Variants in PCMT1 observed in about 807,000 individuals in gnomAD.
PCMT1 encodes protein-L-isoaspartate(D-aspartate) O-methyltransferase.
A neutral mutation model predicts 29.2 loss-of-function variants in PCMT1; 9 were observed. The ratio of observed to expected loss-of-function variants is 0.31; its 90% confidence interval spans 0.19 to 0.54. The LOEUF is 0.54. Ranked by LOEUF, PCMT1 falls within the 20% of genes least tolerant of loss-of-function variation. PCMT1 has a pLI of 0.95. For missense variants in PCMT1, 184 were observed against 282.2 expected (o/e 0.65, Z 2.49); for synonymous variants, 98 against 97.5 (o/e 1.00, Z -0.03).
At chr6:149,754,626 A>G (rs988947958) in intron 1 of PCMT1, among the ~76,000 whole-genome samples, 2 of 152,192 alleles carry the variant, frequency 1.3e-5, no homozygotes, top group African/African-American at 4.8e-5. Flanking sequence ...CCCCAAGTCA[A>G]CTGAGGTCTG....
In PCMT1 at chr6:149,768,997, A is replaced by G. The variant is rs532689720; in HGVS notation, c.56-2165A>G. Among the ~76,000 whole-genome samples the G allele has an allele frequency of 3.9e-4, 59 of 152,264 alleles. No homozygotes were observed. In the South Asian group the frequency reaches 0.012, roughly 31 times the overall value. On this transcript the variant is annotated intron_variant, in intron 1 of 7. Coordinates refer to ENST00000464889, the MANE Select transcript of PCMT1 (RefSeq NM_001360452.2). ...CTTTAAAATCTAATAGTTTCATTAGAATGTATTTTGAAGTTAATTCTTCCT... is the reference window on the plus strand; with the variant it reads ...CTTTAAAATCTAATAGTTTCATTAGGATGTATTTTGAAGTTAATTCTTCCT...
In PCMT1 at chr6:149,755,464, T is replaced by G. The variant is rs543368738; in HGVS notation, c.55+5508T>G. Among the ~76,000 whole-genome samples, 7 of 152,052 alleles carry G rather than the reference T, an allele frequency of 4.6e-5. No individual in the cohort carries two copies. The East Asian group carries it at 1.2e-3, about 25-fold the overall frequency. Reference sequence around the variant, plus strand: ...ATGTTGAGTATCTGTATGGGCTGTATGGGCTTTGGTATTGTATGCGGTTTC... The same window carrying G: ...ATGTTGAGTATCTGTATGGGCTGTAGGGGCTTTGGTATTGTATGCGGTTTC... On this transcript the variant is annotated intron_variant, in intron 1 of 7. Coordinates refer to ENST00000464889, the MANE Select transcript of PCMT1 (RefSeq NM_001360452.2).
intron 3 of PCMT1, among the ~76,000 whole-genome samples, chr6:149,784,452 A>C (rs180973266): frequency 1.3e-5 from 2 of 152,148 alleles, no homozygotes; most frequent in East Asian, 3.9e-4. Flanking sequence ...ACAATTTACT[A>C]ATCTTGTTTT....
intron 7 of PCMT1, among the ~76,000 whole-genome samples, chr6:149,809,452 A>T (rs1776104936): frequency 6.6e-6 from 1 of 152,092 alleles, no homozygotes; most frequent in Non-Finnish European, 1.5e-5. Context: ...TATTTGGAAG[A>T]ATATATTAAG....
chr6:149,776,174 TAA>T (rs1365452895), intron 3 of PCMT1, among the ~76,000 whole-genome samples: 1 of 151,964 alleles, frequency 6.6e-6, no homozygotes, highest in Non-Finnish European at 1.5e-5. Flanking sequence ...AAGAAAAGGC[TAA>T]GATAGTTCAT....
chr6:149,794,973 A>G, intron 5 of PCMT1: 3 of 404,132 alleles, frequency 7.4e-6, no homozygotes, highest in Non-Finnish European at 1.5e-5. Flanking sequence ...AGGCGGGCGG[A>G]TCACTTGTCA....
chr6:149,795,619 CTG>C (rs1394461577), intron 5 of PCMT1: 2 of 497,368 alleles, frequency 4.0e-6, no homozygotes, highest in Non-Finnish European at 7.5e-6. Context: ...ATTGGTTCCA[CTG>C]TGTTTCAATC....
chr6:149,796,131 CAA>C (rs1443935914), intron 5 of PCMT1: 3 of 248,004 alleles, frequency 1.2e-5, no homozygotes, highest in East Asian at 1.0e-4. Context: ...GTCAGGAGTT[CAA>C]AAAAAAGAGT....
chr6:149,791,788 C>T (rs1485488312), intron 4 of PCMT1, among the ~76,000 whole-genome samples: 1 of 152,092 alleles, frequency 6.6e-6, no homozygotes, highest in African/African-American at 2.4e-5. Flanking sequence ...ATAAATGACT[C>T]ATTCTCTATA....
intron 1 of PCMT1, chr6:149,765,680 T>A: frequency 2.7e-6 from 1 of 374,358 alleles, no homozygotes; most frequent in Non-Finnish European, 5.2e-6. Flanking sequence ...TATTTTTTAT[T>A]TTTTTGCTAG....
chr6:149,778,118 C>A (rs1352329575), intron 3 of PCMT1, among the ~76,000 whole-genome samples: 3 of 152,022 alleles, frequency 2.0e-5, no homozygotes, highest in Non-Finnish European at 4.4e-5. Context: ...CTCAAGTGAT[C>A]TGCCTGACTC....
intron 4 of PCMT1, among the ~76,000 whole-genome samples, chr6:149,792,595 C>T (rs1252708838): frequency 6.6e-6 from 1 of 152,060 alleles, no homozygotes; most frequent in East Asian, 2.0e-4. Flanking sequence ...TCACTGCAGC[C>T]TCTGCCTCCC....
intron 7 of PCMT1, among the ~76,000 whole-genome samples, chr6:149,803,077 A>C (rs9689190): frequency 0.48 from 64,672 of 135,634 alleles, 17,977 homozygotes; most frequent in East Asian, 0.83. Context: ...AAAAAAAAAA[A>C]AAAAACAAGG....
intron 2 of PCMT1, chr6:149,771,982 GC>G (rs1787345392): frequency 2.2e-6 from 1 of 456,416 alleles, no homozygotes; most frequent in African/African-American, 2.0e-5. Flanking sequence ...TGCTTTATTT[GC>G]CCTGCTTTTT....
chr6:149,770,252 C>T (rs1424575674), intron 1 of PCMT1, among the ~76,000 whole-genome samples: 2 of 152,166 alleles, frequency 1.3e-5, no homozygotes, highest in Non-Finnish European at 2.9e-5. Context: ...TAACTTTTTA[C>T]CCCTTAACTT....
intron 3 of PCMT1, among the ~76,000 whole-genome samples, chr6:149,787,327 C>T (rs1292034157): frequency 2.2e-5 from 3 of 133,886 alleles, no homozygotes; most frequent in East Asian, 5.8e-4. Flanking sequence ...GGAGAGGGAG[C>T]GGGAGCGGGA....
chr6:149,782,791 C>T (rs1472742455), intron 3 of PCMT1, among the ~76,000 whole-genome samples: 2 of 151,412 alleles, frequency 1.3e-5, no homozygotes, highest in African/African-American at 4.9e-5. Flanking sequence ...GGGAAAAAAG[C>T]GAAAATGATT....
intron 1 of PCMT1, among the ~76,000 whole-genome samples, chr6:149,760,137 G>A (rs1212718659): frequency 6.6e-6 from 1 of 152,064 alleles, no homozygotes; most frequent in Non-Finnish European, 1.5e-5. Context: ...TTTCTGTTAT[G>A]TCACTTTGCT....
chr6:149,750,151 G>A, intron 1 of PCMT1, 195 bp downstream of exon 1: 2 of 735,836 alleles, frequency 2.7e-6, no homozygotes, highest in Non-Finnish European at 4.3e-6. Context: ...TCGACGACGT[G>A]GACTGGAAGG....
Sources: allele counts gnomAD v4.1 joint callset (sites outside exome capture counted in the v4.1 genomes callset), GRCh38; gene constraint gnomAD v4.1.1; transcripts MANE v1.5; gene names NCBI Gene and HGNC (gene_info 2026-07-23, HGNC 2026-07-21).